FAM184B: variants seen among roughly 807,000 people sequenced by gnomAD.
FAM184B encodes family with sequence similarity 184 member B, also known as protein FAM184B.
FAM184B carries 111 observed loss-of-function variants against 135.9 expected under a neutral mutation model. The observed-to-expected ratio is 0.82, with a 90% CI of 0.70 to 0.96. The LOEUF is 0.96. Ranked by LOEUF, FAM184B falls within the 40% of genes least tolerant of loss-of-function variation. FAM184B has a pLI of 0.00. For missense variants in FAM184B, 1,375 were observed against 1,323.9 expected, an observed-to-expected ratio of 1.04 and a Z score of -0.60; for synonymous variants, 552 against 524.8, an observed-to-expected ratio of 1.05 and a Z score of -0.71.
At chr4:17,637,419 A>G (rs897821794) in intron 14 of FAM184B, among the ~76,000 whole-genome samples, 8 of 152,138 alleles carry the variant, frequency 5.3e-5, no homozygotes, top group African/African-American at 1.7e-4. Flanking sequence ...ACTGGAGTTG[A>G]TAAGAGCCCA....
chr4:17,688,679 C>CTTTT, intron 6 of FAM184B, 148 bp from the exon 7 acceptor site: 1 of 210,760 alleles, frequency 4.7e-6, no homozygotes, highest in South Asian at 1.2e-4. Flanking sequence ...TCTAGAAATG[C>CTTTT]CTTTTTTTTT....
intron 11 of FAM184B, 72 bp downstream of exon 11, chr4:17,652,758 G>C: frequency 6.7e-7 from 1 of 1,494,306 alleles, no homozygotes; most frequent in Non-Finnish European, 9.0e-7. Flanking sequence ...CTGGCCCTCA[G>C]CTTGTCTCTG....
chr4:17,753,049 C>T (rs77678752), intron 1 of FAM184B, among the ~76,000 whole-genome samples: 1 of 152,184 alleles, frequency 6.6e-6, no homozygotes, highest in African/African-American at 2.4e-5. Flanking sequence ...GGTAGCTGGG[C>T]TTTTGATTCC....
chr4:17,748,993 AT>A (rs35520026), intron 1 of FAM184B, among the ~76,000 whole-genome samples: 48,397 of 128,172 alleles, frequency 0.38, 9,506 homozygotes, highest in Non-Finnish European at 0.47. Context: ...CACCCAGCTA[AT>A]TTTTTTTTTT....
intron 6 of FAM184B, among the ~76,000 whole-genome samples, chr4:17,689,554 T>C (rs1171115309): frequency 2.0e-5 from 3 of 152,108 alleles, no homozygotes; most frequent in Admixed American, 6.5e-5. Flanking sequence ...CCAATGACAC[T>C]CAGTAGAGAT....
chr4:17,688,113 A>G (rs1300593008), intron 7 of FAM184B, among the ~76,000 whole-genome samples: 1 of 152,184 alleles, frequency 6.6e-6, no homozygotes, highest in Admixed American at 6.5e-5. Context: ...GCTGGGCAGA[A>G]TCAAAGGCCC....
intron 7 of FAM184B, among the ~76,000 whole-genome samples, chr4:17,670,087 A>C (rs1393526452): frequency 2.6e-5 from 4 of 152,242 alleles, no homozygotes; most frequent in Non-Finnish European, 5.9e-5. Context: ...ATTAGAAAGC[A>C]ATAAGAAGGT....
rs1179479918 is a variant in FAM184B, at chr4:17,709,183, C to G, written c.603G>C (p.Gln201His). The change falls in exon 2 of 18, where the codon CAG (glutamine) becomes CAC (histidine). Residue 201 changes from glutamine to histidine, a missense_variant. Transcript: ENST00000265018. ...PEMQEVLLEV[Q>H]RLRVENQQLS... is the part of the protein sequence containing the mutation. ...GCTGCTGGTTCTCCACTCGCAGCCG[C>G]TGCACCTCTAGCAGGACCTCCTGCA... The G allele has an allele frequency of 6.5e-7, 1 of 1,548,442 alleles. No homozygotes were observed. The highest frequency in any genetic ancestry group is 8.7e-7 in the Non-Finnish European group (1 of 1,146,878).
At chr4:17,747,267 T>C (rs925047969) in intron 1 of FAM184B, among the ~76,000 whole-genome samples, 11 of 151,858 alleles carry the variant, frequency 7.2e-5, no homozygotes, top group African/African-American at 2.7e-4. Context: ...CAGGTGGCAA[T>C]GTGGTAAAGC....
Position 17,658,281 on chromosome 4 carries a change from G to A in FAM184B, c.2037+69C>T, listed in dbSNP as rs1049994766. 3 of 1,366,124 alleles carry A rather than the reference G, an allele frequency of 2.2e-6. No homozygotes were observed. The East Asian group carries it at 7.5e-5, about 34-fold the overall frequency. The allele number at this position is 1,366,124 out of a possible 1,614,324, so 84.6% of individuals were successfully genotyped here. On this transcript the variant is annotated intron_variant, in intron 10 of 17. Transcript: ENST00000265018. ...TTGGATGTCATGTAGAAAAGGGACG[G>A]CTTTGTGCATGGCAGTTCTCACCTA...
intron 12 of FAM184B, 98 bp downstream of exon 12, chr4:17,647,539 G>A: frequency 7.2e-7 from 1 of 1,393,528 alleles, no homozygotes; most frequent in Non-Finnish European, 9.6e-7. Flanking sequence ...GTGAGCCACT[G>A]CACTCAGCCT....
chr4:17,633,611 G>C, intron 17 of FAM184B, 78 bp downstream of exon 17: 1 of 1,289,478 alleles, frequency 7.8e-7, no homozygotes, highest in Non-Finnish European at 1.0e-6. Context: ...TTGGTACCAG[G>C]TGCTAGAAAG....
At chr4:17,705,915 A>G in intron 3 of FAM184B, 24 bp from the exon 4 acceptor site, 1 of 1,551,860 alleles carries the variant, frequency 6.4e-7, no homozygotes, top group South Asian at 1.2e-5. Flanking sequence ...TTTCAGCATT[A>G]TTTGGAATGC....
At chr4:17,736,677 A>T (rs1717914979) in intron 1 of FAM184B, among the ~76,000 whole-genome samples, 1 of 152,092 alleles carries the variant, frequency 6.6e-6, no homozygotes, top group African/African-American at 2.4e-5. Context: ...CAGGGTAAGT[A>T]CCTTGTGCTT....
intron 3 of FAM184B, 135 bp from the exon 4 acceptor site, chr4:17,706,026 G>T: frequency 8.4e-7 from 1 of 1,193,748 alleles, no homozygotes. Flanking sequence ...CTGCCCTGTG[G>T]TCTGCTGACC....
At chr4:17,668,421 C>T (rs1375687799) in intron 7 of FAM184B, among the ~76,000 whole-genome samples, 1 of 152,214 alleles carries the variant, frequency 6.6e-6, no homozygotes, top group Non-Finnish European at 1.5e-5. Flanking sequence ...CCCTATTCAA[C>T]TGTTACTTCC....
Position 17,693,381 on chromosome 4 carries a change from T to C in FAM184B, c.1409A>G (p.Lys470Arg), listed in dbSNP as rs1365688714. 1.9e-6 allele frequency: 3 copies of C among 1,551,606 alleles called. No homozygotes were observed. The highest frequency in any genetic ancestry group is 2.7e-5 in the African/African-American group (2 of 73,046). The change falls in exon 6 of 18, where the codon AAG (lysine) becomes AGG (arginine). Residue 470 changes from lysine (K) to arginine (R), a missense_variant. Coordinates refer to ENST00000265018, the MANE Select transcript of FAM184B (RefSeq NM_015688.2). Reference protein sequence around the residue: ...EVEAQLEEVRKKSEKEIKQLE... With the variant: ...EVEAQLEEVRRKSEKEIKQLE... ...CTGCTTTATCTCCTTTTCTGATTTC[T>C]TCCTCACTTCCTCCAACTGTGCTTC...
intron 1 of FAM184B, among the ~76,000 whole-genome samples, chr4:17,710,199 C>T (rs1261693692): frequency 6.6e-6 from 1 of 152,102 alleles, no homozygotes; most frequent in Non-Finnish European, 1.5e-5. Flanking sequence ...TGGCACGCCC[C>T]TGTAATCCCA....
intron 11 of FAM184B, among the ~76,000 whole-genome samples, chr4:17,652,515 A>C (rs2041414): frequency 0.067 from 10,266 of 152,256 alleles, 877 homozygotes; most frequent in African/African-American, 0.2. Context: ...AATGAGACTC[A>C]CAGTAAGCCA....
Sources: allele counts gnomAD v4.1 joint callset (sites outside exome capture counted in the v4.1 genomes callset), GRCh38; gene constraint gnomAD v4.1.1; transcripts MANE v1.5; gene names NCBI Gene and HGNC (gene_info 2026-07-23, HGNC 2026-07-21).